The following GOLPH3 variants were observed in gnomAD, a reference collection of about 807,000 sequenced individuals.
The protein encoded by GOLPH3 is golgi phosphoprotein 3, also known as coat protein GPP34.
In GOLPH3, 14 loss-of-function variants were observed where a neutral mutation model predicts 28.5. That is an observed-to-expected ratio of 0.49 (90% CI 0.32 to 0.77). The LOEUF is 0.77. Among genes scored for constraint, GOLPH3 ranks in the 30% least tolerant of loss-of-function variants. The pLI is 0.03. For synonymous variants in GOLPH3, 158 were observed against 159.2 expected (o/e 0.99, Z 0.06); for missense variants, 350 against 393.7 (o/e 0.89, Z 0.94).
chr5:32,142,067 C>A (rs1581543112), intron 2 of GOLPH3, among the ~76,000 whole-genome samples: 3 of 151,760 alleles, frequency 2.0e-5, no homozygotes, highest in East Asian at 2.0e-4. Flanking sequence ...GGCTGCCCAT[C>A]GTCTGGGATG....
intron 1 of GOLPH3, among the ~76,000 whole-genome samples, chr5:32,169,484 T>C (rs183268347): frequency 5.9e-5 from 9 of 152,316 alleles, no homozygotes; most frequent in African/African-American, 1.7e-4. Flanking sequence ...GACAGGACTA[T>C]AGAGCCTCTC....
intron 3 of GOLPH3, among the ~76,000 whole-genome samples, chr5:32,134,213 T>A (rs991197916): frequency 2.0e-4 from 31 of 151,542 alleles, no homozygotes; most frequent in Non-Finnish European, 4.1e-4. Context: ...CTACAAAAAA[T>A]TTTTTTTCTT....
At chr5:32,163,082 A>C (rs939889505) in intron 1 of GOLPH3, among the ~76,000 whole-genome samples, 1 of 152,228 alleles carries the variant, frequency 6.6e-6, no homozygotes, top group Non-Finnish European at 1.5e-5. Flanking sequence ...CGTCTCAAAA[A>C]TAAAAAATAA....
chr5:32,146,378 T>C (rs1746180038), intron 1 of GOLPH3, among the ~76,000 whole-genome samples: 1 of 151,918 alleles, frequency 6.6e-6, no homozygotes, highest in African/African-American at 2.4e-5. Context: ...TTAGTTCCTA[T>C]GTTCTAAAAT....
At chr5:32,127,662 G>A (rs1053603144) in intron 3 of GOLPH3, among the ~76,000 whole-genome samples, 10 of 152,082 alleles carry the variant, frequency 6.6e-5, no homozygotes, top group Middle Eastern at 3.2e-3. Flanking sequence ...AAGTTCTAGC[G>A]GACTATCTTA....
At chr5:32,150,926 T>C (rs957512505) in intron 1 of GOLPH3, among the ~76,000 whole-genome samples, 3 of 152,178 alleles carry the variant, frequency 2.0e-5, no homozygotes, top group Non-Finnish European at 4.4e-5. Flanking sequence ...CAGATAGTCA[T>C]TAGGAAAAAC....
chr5:32,141,106 T>C (rs536085568), intron 2 of GOLPH3, among the ~76,000 whole-genome samples: 2 of 146,336 alleles, frequency 1.4e-5, no homozygotes, highest in South Asian at 2.1e-4. Flanking sequence ...GAGGTTGCAG[T>C]GAGCCGAGAT....
At chr5:32,161,603 A>C (rs933093288) in intron 1 of GOLPH3, among the ~76,000 whole-genome samples, 1 of 151,382 alleles carries the variant, frequency 6.6e-6, no homozygotes, top group African/African-American at 2.5e-5. Context: ...TATTTTATTT[A>C]ATTGTGACTG....
chr5:32,151,472 C>T (rs1475987415), intron 1 of GOLPH3, among the ~76,000 whole-genome samples: 7 of 151,994 alleles, frequency 4.6e-5, no homozygotes, highest in Admixed American at 2.0e-4. Flanking sequence ...ATTGCACTTA[C>T]GCACTCTAAC....
intron 2 of GOLPH3, among the ~76,000 whole-genome samples, chr5:32,143,071 T>C (rs1182295623): frequency 1.3e-5 from 2 of 152,120 alleles, no homozygotes; most frequent in African/African-American, 4.8e-5. Context: ...TAGAAAGAGG[T>C]AGACATGGGA....
Position 32,174,212 on chromosome 5 carries a change from T to C in GOLPH3, c.-178A>G. 2.6e-6 allele frequency: 1 copy of C among 387,486 alleles called. No individual in the cohort carries two copies. Among genetic ancestry groups the C allele is most frequent in the Non-Finnish European group, 4.5e-6 (1 of 222,980 alleles). 24.0% of individuals were successfully genotyped at this position (387,486 alleles called of 1,614,324 possible). On this transcript the variant is annotated 5_prime_UTR_variant, in exon 1 of 4. Coordinates refer to ENST00000265070, the MANE Select transcript of GOLPH3 (RefSeq NM_022130.4). ...GGAAACAGGTCAGGGCGAAGCGGGC[T>C]GGCCGGGCGTCGGCGGGGCAGGAGA...
At chr5:32,167,931 A>C (rs1315261666) in intron 1 of GOLPH3, among the ~76,000 whole-genome samples, 3 of 152,198 alleles carry the variant, frequency 2.0e-5, no homozygotes. Context: ...TCCAGTCTGG[A>C]AGACAAAGCT....
intron 1 of GOLPH3, among the ~76,000 whole-genome samples, chr5:32,164,653 C>T (rs1355320814): frequency 6.6e-6 from 1 of 152,020 alleles, no homozygotes; most frequent in Non-Finnish European, 1.5e-5. Flanking sequence ...GCCTCAACTC[C>T]CAAAGTGTTG....
At chr5:32,160,738 T>C (rs1387855937) in intron 1 of GOLPH3, among the ~76,000 whole-genome samples, 1 of 152,170 alleles carries the variant, frequency 6.6e-6, no homozygotes, top group Non-Finnish European at 1.5e-5. Context: ...GAGCCTTACA[T>C]ATAAGGATCC....
At chr5:32,171,753 G>A (rs1746842565) in intron 1 of GOLPH3, among the ~76,000 whole-genome samples, 1 of 151,994 alleles carries the variant, frequency 6.6e-6, no homozygotes, top group African/African-American at 2.4e-5. Flanking sequence ...TTCAAAAGCA[G>A]CCTGACAAAC....
chr5:32,150,556 T>C (rs562052994), intron 1 of GOLPH3, among the ~76,000 whole-genome samples: 1 of 151,678 alleles, frequency 6.6e-6, no homozygotes, highest in Non-Finnish European at 1.5e-5. Context: ...CACTGGCACA[T>C]GAATAGACAG....
intron 1 of GOLPH3, among the ~76,000 whole-genome samples, chr5:32,158,693 G>T (rs1746509342): frequency 1.3e-5 from 2 of 151,980 alleles, no homozygotes; most frequent in South Asian, 4.1e-4. Flanking sequence ...AGTGCTCTTG[G>T]CCACTTACAC....
At chr5:32,129,845 C>T (rs1172581212) in intron 3 of GOLPH3, among the ~76,000 whole-genome samples, 1 of 151,640 alleles carries the variant, frequency 6.6e-6, no homozygotes, top group Non-Finnish European at 1.5e-5. Flanking sequence ...GTAACTTCCA[C>T]CCTTTTTTTT....
rs191966067 is a variant in GOLPH3 at position 32,164,486 on chromosome 5, C to T, written c.225+9324G>A. ...TGGGCTCACTGCAAGCTCCGCCTCCCGGGTTCACGCCATTCTCCTGCCTCA... is the reference window on the plus strand; with the variant it reads ...TGGGCTCACTGCAAGCTCCGCCTCCTGGGTTCACGCCATTCTCCTGCCTCA... On this transcript the variant is annotated intron_variant, in intron 1 of 3. Coordinates refer to ENST00000265070, the MANE Select transcript of GOLPH3 (RefSeq NM_022130.4). 2.3e-3 allele frequency among the ~76,000 whole-genome samples: 346 copies of T among 151,862 alleles called. 1 individual carries two copies. Among genetic ancestry groups the T allele is most frequent in the Non-Finnish European group, 2.3e-3 (153 of 67,914 alleles).
Sources: allele counts gnomAD v4.1 joint callset (sites outside exome capture counted in the v4.1 genomes callset), GRCh38; gene constraint gnomAD v4.1.1; transcripts MANE v1.5; gene names NCBI Gene and HGNC (gene_info 2026-07-23, HGNC 2026-07-21).